The following PGS1 variants were observed in gnomAD, a reference collection of about 807,000 sequenced individuals.
PGS1 encodes CDP-diacylglycerol--glycerol-3-phosphate 3-phosphatidyltransferase, mitochondrial.
Under a neutral mutation model 58.3 loss-of-function variants are expected in PGS1, and 44 were observed. The ratio of observed to expected loss-of-function variants is 0.75; its 90% CI spans 0.59 to 0.97. The LOEUF is 0.97. PGS1 is among the 50% of genes least tolerant of loss of function. PGS1 has a pLI of 0.00. For missense variants in PGS1, 684 were observed against 731.1 expected (o/e 0.94, Z 0.74); for synonymous variants, 330 against 311.0 (o/e 1.06, Z -0.64).
chr17:78,423,720 C>G lies in PGS1; in HGVS notation c.*11-341C>G, dbSNP rs370782545. 1.5e-5 allele frequency: 11 copies of G among 712,310 alleles called. No individual in the cohort carries two copies. The African/African-American group carries it at 1.6e-4, about 10-fold the overall frequency. 44.1% of individuals were successfully genotyped at this position (712,310 alleles called of 1,614,324 possible). On this transcript the variant is annotated intron_variant, in intron 9 of 9. Transcript: ENST00000262764. ...GCTGAGTGGCTCCACTGGCTTTAAT[C>G]TGCCCCACCTCTTCCACACCAACCT...
In PGS1 at chr17:78,381,476, C is replaced by T. The variant is rs74677319; in HGVS notation, c.143+2668C>T. Among the ~76,000 whole-genome samples, 1,473 of 152,204 alleles carry T rather than the reference C, an allele frequency of 9.7e-3. 31 individuals carry two copies. The highest frequency in any genetic ancestry group is 0.033 in the African/African-American group (1,386 of 41,510). On this transcript the variant is annotated intron_variant, in intron 1 of 9. Transcript: ENST00000262764. ...TTCGGTTTGCAGTTCTTTTCTGATT[C>T]GTTGTGGCCTTGGTGTTCGAGTTAT... is the stretch of plus-strand genomic sequence containing the variant.
intron 9 of PGS1, among the ~76,000 whole-genome samples, chr17:78,423,097 T>A (rs1375089435): frequency 3.7e-5 from 3 of 80,716 alleles, no homozygotes; most frequent in Admixed American, 1.5e-4. Flanking sequence ...AAACTCTCAC[T>A]CTCCCTCGAA....
In PGS1 at chr17:78,400,939, C is replaced by A; in HGVS notation, c.880+84C>A. On this transcript the variant is annotated intron_variant, in intron 6 of 9. Transcript: ENST00000262764. This position sits in a 1 kb window ranked among gnomAD's most constrained non-coding sequence, Gnocchi z 4.4. Reference sequence around the variant, plus strand: ...GAGAGCACAACTCTAGGTGGTTCTGCCACAGGCATAGGGGACTTGGGTGGC... The same window carrying A: ...GAGAGCACAACTCTAGGTGGTTCTGACACAGGCATAGGGGACTTGGGTGGC... 2 of 1,232,386 alleles carry A rather than the reference C, an allele frequency of 1.6e-6. No individual in the cohort carries two copies. The highest frequency in any genetic ancestry group is 1.1e-6 in the Non-Finnish European group (1 of 896,544). The allele number at this position is 1,232,386 out of a possible 1,614,324, so 76.3% of individuals were successfully genotyped here. A position where few individuals can be genotyped will look rare whatever the true frequency, so the allele number is the denominator to read the frequency against.
At chr17:78,419,897 A>G in intron 9 of PGS1, 1 of 1,274,162 alleles carries the variant, frequency 7.8e-7, no homozygotes, top group Non-Finnish European at 1.0e-6. Context: ...CCACTCCACT[A>G]AGTCCCAAGG....
At chr17:78,403,522 A>T in intron 6 of PGS1, 46 bp from the exon 7 acceptor site, 1 of 1,580,582 alleles carries the variant, frequency 6.3e-7, no homozygotes, top group South Asian at 1.2e-5. Flanking sequence ...CAGAGTCCAG[A>T]CCCTCCATTT....
At position 78,400,584 on chromosome 17, in the gene PGS1, C is replaced by T; in HGVS notation, c.702-93C>T. 9.8e-7 allele frequency: 1 copy of T among 1,017,622 alleles called. No homozygotes were observed. The highest frequency in any genetic ancestry group is 1.5e-6 in the Non-Finnish European group (1 of 660,354). The allele number at this position is 1,017,622 out of a possible 1,614,324, so 63.0% of individuals were successfully genotyped here. A position where few individuals can be genotyped will look rare whatever the true frequency, so the allele number is the denominator to read the frequency against. The stretch of plus-strand genomic sequence containing the variant: ...TGCATCTTGACCTGAGTTTGTCACC[C>T]CCCTGCTAGTTCACCTGAGACCTGG... On this transcript the variant is annotated intron_variant, in intron 5 of 9. Transcript: ENST00000262764. This position sits in a 1 kb window ranked among gnomAD's most constrained non-coding sequence, Gnocchi z 4.4.
At chr17:78,419,725 G>C in intron 9 of PGS1, 50 bp downstream of exon 9, 1 of 1,603,912 alleles carries the variant, frequency 6.2e-7, no homozygotes, top group Admixed American at 1.7e-5. Context: ...AGAGTTCACA[G>C]GTGGGGCAGG....
At chr17:78,414,592 CCTG>C (rs2085011812) in intron 7 of PGS1, among the ~76,000 whole-genome samples, 1 of 152,118 alleles carries the variant, frequency 6.6e-6, no homozygotes, top group African/African-American at 2.4e-5. Context: ...TCTGGGAAAG[CCTG>C]CTTCTCGTCC....
chr17:78,421,291 A>T (rs1006776646), intron 9 of PGS1: 2 of 152,206 alleles, frequency 1.3e-5, no homozygotes, highest in Admixed American at 1.3e-4. Context: ...TTCCTGGGCT[A>T]CAGGGCATGG....
intron 7 of PGS1, among the ~76,000 whole-genome samples, chr17:78,411,903 T>C (rs991725568): frequency 6.1e-4 from 5 of 8,246 alleles, no homozygotes. Flanking sequence ...GGGCTCCTGC[T>C]TTTTTTTTTT....
At position 78,403,856 on chromosome 17, in the gene PGS1, A is replaced by T; in HGVS notation, c.1169A>T (p.Asn390Ile). The change falls in exon 7 of 10, where the codon AAC (asparagine) becomes ATC (isoleucine). Residue 390 changes from asparagine to isoleucine, a missense_variant. By Grantham distance (149) the Asn-to-Ile change is moderately radical. Coordinates refer to ENST00000262764, the MANE Select transcript of PGS1 (RefSeq NM_024419.5). ...AKVYLTTGYF[N>I]LTQAYMDLVL... ...GTCTACCTCACCACTGGCTATTTCA[A>T]CCTGACCCAGGCCTACATGGACCTG... 1 of 1,614,144 alleles carries T rather than the reference A, an allele frequency of 6.2e-7. No homozygotes were observed.
rs1489517047 is a variant in PGS1, at chr17:78,378,790, G to C, written c.125G>C (p.Arg42Pro). 2.0e-6 allele frequency: 3 copies of C among 1,478,010 alleles called. No individual in the cohort carries two copies. The highest frequency in any genetic ancestry group is 1.8e-6 in the Non-Finnish European group (2 of 1,121,790). 91.6% of individuals were successfully genotyped at this position (1,478,010 alleles called of 1,614,324 possible). The change falls in exon 1 of 10, where the codon CGG becomes CCG. Residue 42 changes from arginine to proline, a missense_variant. Physicochemically the swap from Arg to Pro is moderately radical, Grantham distance 103. Coordinates refer to ENST00000262764, the MANE Select transcript of PGS1 (RefSeq NM_024419.5). ...GRLSDRLGRN[R>P]DRQRRRSPWL... ...CTGTCCGACCGCCTCGGCAGGAACCGGGACCGCCAGCGCAGGAGGTGAGAG... is the reference window on the plus strand; with the variant it reads ...CTGTCCGACCGCCTCGGCAGGAACCCGGACCGCCAGCGCAGGAGGTGAGAG...
Position 78,424,195 on chromosome 17 carries a change from A to T in PGS1, c.*145A>T, listed in dbSNP as rs549087180. The T allele has an allele frequency of 2.7e-5, 43 of 1,573,366 alleles. No individual in the cohort carries two copies. Among genetic ancestry groups the T allele is most frequent in the African/African-American group, 4.0e-5 (3 of 74,554 alleles). On this transcript the variant is annotated 3_prime_UTR_variant, in exon 10 of 10. Transcript: ENST00000262764. ...GCTGAGGGTCAGGTGTGCTGCCAGTAAGTGAGGGAGGGGCTGGCAGGAAGG... is the reference window on the plus strand; with the variant it reads ...GCTGAGGGTCAGGTGTGCTGCCAGTTAGTGAGGGAGGGGCTGGCAGGAAGG...
At chr17:78,405,211 T>A (rs2146245036) in intron 7 of PGS1, among the ~76,000 whole-genome samples, 1 of 151,856 alleles carries the variant, frequency 6.6e-6, no homozygotes, top group East Asian at 2.0e-4. Flanking sequence ...TTGGCCAGGC[T>A]GGTCTCGAAT....
intron 9 of PGS1, chr17:78,420,227 T>C (rs1383803415): frequency 4.0e-6 from 4 of 991,680 alleles, no homozygotes; most frequent in Non-Finnish European, 4.8e-6. Flanking sequence ...TGCGCCCTTC[T>C]AGACTCTGGA....
Position 78,400,739 on chromosome 17 carries a change from G to C in PGS1, c.764G>C (p.Cys255Ser), listed in dbSNP as rs1430508084. 2 of 1,614,126 alleles carry C rather than the reference G, an allele frequency of 1.2e-6. No homozygotes were observed. Among genetic ancestry groups the C allele is most frequent in the South Asian group, 1.1e-5 (1 of 91,088 alleles). ...GACCGCTACGTGTTCCTGCAGGACT[G>C]TGCGGAGATTGCCGACTTCTTCACG... ...RQDRYVFLQD[C>S]AEIADFFTEL... is the part of the protein sequence containing the mutation. Residue 255 changes from cysteine (C) to serine (S), a missense_variant, in exon 6 of 10, where the codon TGT becomes TCT. By Grantham distance (112) the Cys-to-Ser change is moderately radical. Transcript: ENST00000262764. This position sits in a 1 kb window ranked among gnomAD's most constrained non-coding sequence, Gnocchi z 4.4.
In PGS1 at chr17:78,378,734, C is replaced by T; in HGVS notation, c.69C>T (p.Gly23=). 1.3e-6 allele frequency: 2 copies of T among 1,510,804 alleles called. No homozygotes were observed. Among genetic ancestry groups the T allele is most frequent in the Non-Finnish European group, 8.8e-7 (1 of 1,136,058 alleles). The allele number at this position is 1,510,804 out of a possible 1,614,324, so 93.6% of individuals were successfully genotyped here. Residue 23 remains glycine, a synonymous_variant, in exon 1 of 10, where the codon GGC becomes GGT. Transcript: ENST00000262764. ...GGCGACTGCTGGGCCTCCTGCCTGGCCGCCCAGGGCTGGCCGCGCTCCTGG... is the reference window on the plus strand; with the variant it reads ...GGCGACTGCTGGGCCTCCTGCCTGGTCGCCCAGGGCTGGCCGCGCTCCTGG... The part of the protein sequence containing the change: ...FWRRLLGLLP[G]RPGLAALLGR...
intron 1 of PGS1, among the ~76,000 whole-genome samples, chr17:78,389,567 T>A (rs2082665469): frequency 6.6e-6 from 1 of 150,514 alleles, no homozygotes; most frequent in African/African-American, 2.5e-5. Flanking sequence ...GTGATCCACC[T>A]GCCTCGGCCT....
chr17:78,415,881 C>G (rs979494527), intron 8 of PGS1, among the ~76,000 whole-genome samples: 2 of 152,252 alleles, frequency 1.3e-5, no homozygotes, highest in Non-Finnish European at 2.9e-5. Context: ...CCATGGAAGG[C>G]ACCAACTTCC....
Sources: gnomAD v4.1 joint callset for allele counts (sites outside exome capture counted in the v4.1 genomes callset) on GRCh38, gnomAD v4.1.1 for gene constraint, Gnocchi (gnomAD v3.1) non-coding constraint, MANE v1.5 for transcripts, NCBI Gene and HGNC (gene_info 2026-07-23, HGNC 2026-07-21) for gene names.